The following KCNH1 variants were observed in gnomAD, a reference collection of about 807,000 sequenced individuals.
KCNH1 encodes voltage-gated delayed rectifier potassium channel KCNH1.
A neutral mutation model predicts 69.2 loss-of-function variants in KCNH1; 27 were observed. That is an observed-to-expected ratio of 0.39 (90% CI 0.29 to 0.54). KCNH1 has a LOEUF of 0.54. Ranked by LOEUF, KCNH1 falls within the 20% of genes least tolerant of loss-of-function variation. The pLI is 0.68. For synonymous variants in KCNH1, 456 were observed against 487.7 expected (o/e 0.93, Z 0.86); for missense variants, 798 against 1,261.6 (o/e 0.63, Z 5.57).
chr1:210,905,990 C>T (rs1033174817), intron 7 of KCNH1, among the ~76,000 whole-genome samples: 1 of 152,224 alleles, frequency 6.6e-6, no homozygotes, highest in Non-Finnish European at 1.5e-5. Context: ...TCAAACCAAA[C>T]CTCACCTACA....
At chr1:210,937,268 T>A (rs1048456690) in intron 6 of KCNH1, among the ~76,000 whole-genome samples, 4 of 152,212 alleles carry the variant, frequency 2.6e-5, no homozygotes, top group Admixed American at 2.6e-4. Flanking sequence ...CCTTCAGCAC[T>A]TGACACTTGT....
At chr1:210,856,202 GT>G (rs1193947207) in intron 7 of KCNH1, among the ~76,000 whole-genome samples, 4 of 152,136 alleles carry the variant, frequency 2.6e-5, no homozygotes, top group African/African-American at 9.7e-5. Context: ...CATTCGTAAC[GT>G]AAGTATCAAC....
chr1:211,131,287 A>C (rs1430555825), intron 1 of KCNH1, among the ~76,000 whole-genome samples: 1 of 152,164 alleles, frequency 6.6e-6, no homozygotes, highest in Non-Finnish European at 1.5e-5. Context: ...TCATATGAGA[A>C]GTTTTTAAAG....
chr1:210,895,686 C>T lies in KCNH1; in HGVS notation c.1462+23954G>A, dbSNP rs149732217. Among the ~76,000 whole-genome samples, 964 of 151,826 alleles carry T rather than the reference C, an allele frequency of 6.3e-3. 6 individuals are homozygous for T. The highest frequency in any genetic ancestry group is 9.8e-3 in the Non-Finnish European group (668 of 67,948). ...GGGTCTACAGACAGACATCAGGAAA[C>T]ATAGGAAAGGGATAAAAGTTGAGAG... On this transcript the variant is annotated intron_variant, in intron 7 of 10. Transcript: ENST00000271751.
chr1:210,887,722 C>CA (rs35066964), intron 7 of KCNH1, among the ~76,000 whole-genome samples: 7,793 of 54,752 alleles, frequency 0.14, 437 homozygotes, highest in East Asian at 0.3. Context: ...AATGGAAAGC[C>CA]AAAAAAAAAA....
At chr1:210,742,310 C>T (rs1186915641) in intron 10 of KCNH1, among the ~76,000 whole-genome samples, 3 of 152,178 alleles carry the variant, frequency 2.0e-5, no homozygotes, top group Non-Finnish European at 1.5e-5. Context: ...GGTGATTTGT[C>T]CTCAAAGGAT....
chr1:210,920,674 A>G (rs1687440448), intron 6 of KCNH1, among the ~76,000 whole-genome samples: 1 of 152,046 alleles, frequency 6.6e-6, no homozygotes, highest in Admixed American at 6.5e-5. Context: ...AAATAAGTTT[A>G]TAAATTTAAA....
At position 211,057,480 on chromosome 1, in the gene KCNH1, AT is replaced by A. The variant is rs569698090; in HGVS notation, c.558+25299del. Among the ~76,000 whole-genome samples, 957 of 151,978 alleles carry A rather than the reference AT, an allele frequency of 6.3e-3. 12 individuals are homozygous for A. Among genetic ancestry groups the A allele is most frequent in the African/African-American group, 0.022 (908 of 41,452 alleles). ...CAAAACCCCATCTCTACAAAAAAAA[AT>A]TTTTTTAATTAGCTGGGTATTATGG... On this transcript the variant is annotated intron_variant, in intron 5 of 10. Transcript: ENST00000271751.
At chr1:210,750,054 A>G (rs1460963863) in intron 10 of KCNH1, among the ~76,000 whole-genome samples, 7 of 152,192 alleles carry the variant, frequency 4.6e-5, no homozygotes, top group Middle Eastern at 3.4e-3. Context: ...GCTGCTTGCT[A>G]TCTTACTGCA....
At chr1:210,716,449 G>A (rs1473314289) in intron 10 of KCNH1, among the ~76,000 whole-genome samples, 57 of 100,760 alleles carry the variant, frequency 5.7e-4, no homozygotes, top group African/African-American at 1.1e-3. Flanking sequence ...AAAAAAAAAA[G>A]CATGTTACAC....
chr1:210,820,666 GGATT>G (rs1468639721), intron 7 of KCNH1, among the ~76,000 whole-genome samples: 5 of 152,024 alleles, frequency 3.3e-5, no homozygotes, highest in African/African-American at 1.2e-4. Context: ...GGAACTTTGC[GGATT>G]GATTAAGGAT....
intron 7 of KCNH1, among the ~76,000 whole-genome samples, chr1:210,845,897 C>T (rs1321106937): frequency 6.6e-6 from 1 of 152,200 alleles, no homozygotes; most frequent in Non-Finnish European, 1.5e-5. Flanking sequence ...GATACAAAAT[C>T]AATGTGCAAA....
At chr1:210,965,278 G>C (rs544272029) in intron 6 of KCNH1, among the ~76,000 whole-genome samples, 12 of 152,160 alleles carry the variant, frequency 7.9e-5, no homozygotes, top group Admixed American at 1.3e-4. Flanking sequence ...AAGAAATAAA[G>C]GGTATTTAAT....
intron 1 of KCNH1, among the ~76,000 whole-genome samples, chr1:211,120,098 G>T (rs774977625): frequency 6.6e-6 from 1 of 151,774 alleles, no homozygotes; most frequent in Non-Finnish European, 1.5e-5. Flanking sequence ...GTGATATCTT[G>T]AATTACTGCT....
At chr1:211,014,631 C>T (rs184478266) in intron 6 of KCNH1, among the ~76,000 whole-genome samples, 2 of 152,274 alleles carry the variant, frequency 1.3e-5, no homozygotes, top group African/African-American at 4.8e-5. Context: ...ACTCCCCACC[C>T]CCACTGCACA....
At chr1:210,836,588 A>G (rs974731437) in intron 7 of KCNH1, among the ~76,000 whole-genome samples, 1 of 152,196 alleles carries the variant, frequency 6.6e-6, no homozygotes, top group African/African-American at 2.4e-5. Context: ...CATGCTAAAC[A>G]GAGACTATCC....
intron 7 of KCNH1, among the ~76,000 whole-genome samples, chr1:210,834,037 A>C (rs1480616351): frequency 6.6e-6 from 1 of 152,230 alleles, no homozygotes; most frequent in Admixed American, 6.5e-5. Context: ...AGGAAACAAC[A>C]GCTGCTGGAC....
chr1:210,810,079 T>C (rs1440188749), intron 7 of KCNH1, among the ~76,000 whole-genome samples: 1 of 152,180 alleles, frequency 6.6e-6, no homozygotes, highest in Non-Finnish European at 1.5e-5. Flanking sequence ...CTTTCTCTCT[T>C]TTTTATGAGA....
At chr1:210,695,454 T>C (rs975726951) in intron 10 of KCNH1, among the ~76,000 whole-genome samples, 2 of 152,218 alleles carry the variant, frequency 1.3e-5, no homozygotes, top group African/African-American at 4.8e-5. Context: ...ACACCTAGTA[T>C]ATTTACACTG....
Sources: allele counts gnomAD v4.1 joint callset (sites outside exome capture counted in the v4.1 genomes callset), GRCh38; gene constraint gnomAD v4.1.1; transcripts MANE v1.5; gene names NCBI Gene and HGNC (gene_info 2026-07-23, HGNC 2026-07-21).